Variants in PRKAG2 observed in about 807,000 individuals in gnomAD.
PRKAG2 encodes protein kinase AMP-activated non-catalytic subunit gamma 2.
A neutral mutation model predicts 69.6 loss-of-function variants in PRKAG2; 26 were observed. The observed-to-expected ratio is 0.37, with a 90% CI of 0.27 to 0.52. The LOEUF is 0.52. PRKAG2 is among the 20% of genes least tolerant of loss of function. The pLI, the probability that PRKAG2 is intolerant of heterozygous loss-of-function variation, is 0.90. For missense variants in PRKAG2, 557 were observed against 740.0 expected (o/e 0.75, Z 2.87); for synonymous variants, 293 against 285.0 (o/e 1.03, Z -0.28).
At chr7:151,862,697 A>G (rs1174624624) in intron 1 of PRKAG2, among the ~76,000 whole-genome samples, 2 of 152,256 alleles carry the variant, frequency 1.3e-5, no homozygotes, top group Non-Finnish European at 2.9e-5. Context: ...GTGAGATTTT[A>G]TGAGAAAGGG....
At chr7:151,846,337 G>A (rs1339022261) in intron 1 of PRKAG2, among the ~76,000 whole-genome samples, 6 of 152,022 alleles carry the variant, frequency 3.9e-5, no homozygotes, top group Admixed American at 6.6e-5. Context: ...GTGTGGTGGC[G>A]CACGCCTGTA....
chr7:151,605,928 C>G (rs1292573845), intron 5 of PRKAG2, among the ~76,000 whole-genome samples: 2 of 129,346 alleles, frequency 1.5e-5, no homozygotes, highest in Admixed American at 1.6e-4. Context: ...CAGAGCGAGA[C>G]TCCGTCTCAA....
chr7:151,570,527 G>A (rs1413042390), intron 9 of PRKAG2, among the ~76,000 whole-genome samples: 1 of 152,162 alleles, frequency 6.6e-6, no homozygotes, highest in Admixed American at 6.5e-5. Flanking sequence ...AATACCAGCA[G>A]AGGTCACTAG....
intron 3 of PRKAG2, among the ~76,000 whole-genome samples, chr7:151,717,076 GTC>G (rs1489519113): frequency 1.3e-5 from 2 of 152,124 alleles, no homozygotes; most frequent in African/African-American, 4.8e-5. Context: ...GCAAAACCCT[GTC>G]TCTACTAAAA....
At chr7:151,742,822 ACTC>A (rs1276081395) in intron 3 of PRKAG2, among the ~76,000 whole-genome samples, 1 of 151,224 alleles carries the variant, frequency 6.6e-6, no homozygotes, top group African/African-American at 2.4e-5. Context: ...GGCACAAAAA[ACTC>A]CTCACTGCTG....
At chr7:151,717,502 G>A (rs1029638294) in intron 3 of PRKAG2, among the ~76,000 whole-genome samples, 3 of 152,144 alleles carry the variant, frequency 2.0e-5, no homozygotes, top group Non-Finnish European at 4.4e-5. Flanking sequence ...ATGGCAGAAG[G>A]GTGGTGTCCC....
intron 3 of PRKAG2, among the ~76,000 whole-genome samples, chr7:151,751,157 G>A (rs952370857): frequency 6.6e-6 from 1 of 150,556 alleles, no homozygotes; most frequent in African/African-American, 2.5e-5. Context: ...GAGTGTAGTG[G>A]TGTGATCTCA....
chr7:151,572,812 C>T (rs184289704), intron 8 of PRKAG2, 103 bp from the exon 9 acceptor site: 660 of 767,604 alleles, frequency 8.6e-4, no homozygotes, highest in Middle Eastern at 1.2e-3. Flanking sequence ...ATTTTCTATT[C>T]GCAATTAGAA....
intron 4 of PRKAG2, among the ~76,000 whole-genome samples, chr7:151,644,455 T>C (rs1485955768): frequency 6.6e-6 from 1 of 152,230 alleles, no homozygotes. Context: ...GTGCTTTTGC[T>C]CCTGGATTAT....
rs1418991533 is a variant in PRKAG2 at position 151,632,310 on chromosome 7, C to G, written c.685-172G>C. On this transcript the variant is annotated intron_variant, in intron 4 of 15. Transcript: ENST00000287878. The surrounding 1 kb of genome is among the most constrained non-coding windows in gnomAD (Gnocchi z 4.2). ...GGGGGCGGAGCGGGAGCGCTGCCCC[C>G]ACCCGCCCGAGGCCGCCGCCGCCGC... 1.8e-4 allele frequency: 163 copies of G among 894,214 alleles called. 1 individual carries two copies. In the South Asian group the frequency reaches 5.9e-3, roughly 32 times the overall value. The allele number at this position is 894,214 out of a possible 1,614,324, so 55.4% of individuals were successfully genotyped here. A position where few individuals can be genotyped will look rare whatever the true frequency, so the allele number is the denominator to read the frequency against.
chr7:151,627,102 G>A (rs1421035179), intron 5 of PRKAG2, among the ~76,000 whole-genome samples: 2 of 152,116 alleles, frequency 1.3e-5, no homozygotes, highest in Admixed American at 6.5e-5. Flanking sequence ...ACCAAGTGCC[G>A]GCCCCCTGGT....
chr7:151,674,845 T>C (rs950699395), intron 4 of PRKAG2: 7 of 163,994 alleles, frequency 4.3e-5, no homozygotes, highest in African/African-American at 1.7e-4. Flanking sequence ...TTTCAATGAA[T>C]GATTTTTAAG....
intron 1 of PRKAG2, among the ~76,000 whole-genome samples, chr7:151,863,471 C>T (rs917948365): frequency 6.6e-6 from 1 of 152,120 alleles, no homozygotes; most frequent in Non-Finnish European, 1.5e-5. Flanking sequence ...GTGAATGCTT[C>T]ATCGCCCTTC....
At chr7:151,683,711 G>A (rs771406039) in intron 3 of PRKAG2, among the ~76,000 whole-genome samples, 6 of 152,230 alleles carry the variant, frequency 3.9e-5, no homozygotes, top group South Asian at 2.1e-4. Context: ...GAGGGGGAAC[G>A]GTGGCCCAGG....
intron 4 of PRKAG2, among the ~76,000 whole-genome samples, chr7:151,669,942 G>GCACATACCTC (rs1831689849): frequency 1.8e-4 from 1 of 5,666 alleles, no homozygotes. Context: ...GCACACACTT[G>GCACATACCTC]CATGTACAAC....
At chr7:151,686,758 T>C (rs769640003) in intron 3 of PRKAG2, among the ~76,000 whole-genome samples, 1 of 152,274 alleles carries the variant, frequency 6.6e-6, no homozygotes, top group Non-Finnish European at 1.5e-5. Flanking sequence ...CTGAGCTCAC[T>C]CTCAATTCAT....
rs1022332865 is a variant in PRKAG2 at position 151,565,843 on chromosome 7, C to G, written c.1276G>C (p.Asp426His). Residue 426 changes from aspartate (D) to histidine (H), a missense_variant, in exon 12 of 16, where the codon GAT becomes CAT. By Grantham distance (81) the Asp-to-His change is moderately conservative. Coordinates refer to ENST00000287878, the MANE Select transcript of PRKAG2 (RefSeq NM_016203.4). ...PKPAFMKQNL[D>H]ELGIGTYHNI... ...TGGTACGTTCCTATTCCAAGCTCATCCAGGTTCTGCTTCATGAAGGCAGGC... is the reference window on the plus strand; with the variant it reads ...TGGTACGTTCCTATTCCAAGCTCATGCAGGTTCTGCTTCATGAAGGCAGGC... The G allele has an allele frequency of 6.2e-7, 1 of 1,613,610 alleles. No homozygotes were observed.
chr7:151,813,086 G>A (rs1017857508), intron 1 of PRKAG2, among the ~76,000 whole-genome samples: 1 of 152,170 alleles, frequency 6.6e-6, no homozygotes, highest in Non-Finnish European at 1.5e-5. Flanking sequence ...TGCCCAGGGT[G>A]TGTGGAGCCC....
intron 5 of PRKAG2, among the ~76,000 whole-genome samples, chr7:151,611,227 A>C (rs1818760503): frequency 6.6e-6 from 1 of 152,218 alleles, no homozygotes; most frequent in African/African-American, 2.4e-5. Context: ...TGGAACCCAC[A>C]CACAGAGAGC....
Sources: gnomAD v4.1 joint callset for allele counts (sites outside exome capture counted in the v4.1 genomes callset) on GRCh38, gnomAD v4.1.1 for gene constraint, Gnocchi (gnomAD v3.1) non-coding constraint, MANE v1.5 for transcripts, NCBI Gene and HGNC (gene_info 2026-07-23, HGNC 2026-07-21) for gene names.